The following TFEC variants were observed in gnomAD, a reference collection of about 807,000 sequenced individuals.
TFEC encodes the protein transcription factor EC.
Under a neutral mutation model 41.6 loss-of-function variants are expected in TFEC, and 31 were observed. That is an observed-to-expected ratio of 0.74 (90% CI 0.56 to 1.01). TFEC has a LOEUF of 1.01. Among genes scored for constraint, TFEC ranks in the 50% least tolerant of loss-of-function variants. The probability of loss-of-function intolerance (pLI) is 0.00; values close to 1 mark genes in which losing one functional copy is unlikely to be tolerated. For synonymous variants in TFEC, 143 were observed against 140.6 expected (o/e 1.02, Z -0.12); for missense variants, 402 against 404.1 (o/e 0.99, Z 0.04).
At chr7:116,142,057 G>A (rs1346792893) in intron 1 of TFEC, among the ~76,000 whole-genome samples, 1 of 152,176 alleles carries the variant, frequency 6.6e-6, no homozygotes, top group Non-Finnish European at 1.5e-5. Context: ...TTAAGCAAGA[G>A]AACACTGTGC....
chr7:116,076,593 C>A lies in TFEC; in HGVS notation c.198+34115G>T, dbSNP rs547944039. ...CATAAATAAAAAGCTATCACAACTT[C>A]TGGAAATCACGGACACACTTAGAGA... On this transcript the variant is annotated intron_variant, in intron 3 of 8. Transcript: ENST00000484212. Among the ~76,000 whole-genome samples the A allele has an allele frequency of 1.1e-4, 16 of 152,100 alleles. No individual in the cohort carries two copies. The South Asian group carries it at 3.3e-3, about 32-fold the overall frequency.
intron 3 of TFEC, among the ~76,000 whole-genome samples, chr7:115,958,613 C>A (rs1017697347): frequency 6.6e-6 from 1 of 151,840 alleles, no homozygotes; most frequent in African/African-American, 2.4e-5. Flanking sequence ...AGGTACCTAA[C>A]TATAGCATTT....
intron 2 of TFEC, among the ~76,000 whole-genome samples, chr7:115,974,789 T>C (rs1410825593): frequency 1.3e-5 from 2 of 151,950 alleles, no homozygotes; most frequent in Non-Finnish European, 2.9e-5. Flanking sequence ...CGGAAACATT[T>C]CATCCTACCT....
chr7:116,085,727 T>A (rs1797189542), intron 3 of TFEC, among the ~76,000 whole-genome samples: 1 of 151,924 alleles, frequency 6.6e-6, no homozygotes, highest in African/African-American at 2.4e-5. Context: ...TCCACTGAGG[T>A]CAGAGCAATC....
intron 3 of TFEC, among the ~76,000 whole-genome samples, chr7:116,072,271 T>A (rs1325921573): frequency 1.3e-5 from 2 of 151,612 alleles, no homozygotes; most frequent in Admixed American, 6.6e-5. Flanking sequence ...TCTTTTCCAA[T>A]CTGAATGCCT....
intron 1 of TFEC, among the ~76,000 whole-genome samples, chr7:116,029,764 T>C (rs1232091468): frequency 1.3e-5 from 2 of 152,080 alleles, no homozygotes; most frequent in Non-Finnish European, 2.9e-5. Context: ...AAGTTTCTAC[T>C]ACAACTCTTT....
chr7:116,113,590 T>C (rs1360320905), intron 1 of TFEC, among the ~76,000 whole-genome samples: 2 of 152,046 alleles, frequency 1.3e-5, no homozygotes, highest in Admixed American at 6.6e-5. Context: ...GAGTCAGTGA[T>C]ATATCTTTGC....
At chr7:116,136,624 A>G (rs1323918907) in intron 1 of TFEC, among the ~76,000 whole-genome samples, 1 of 151,912 alleles carries the variant, frequency 6.6e-6, no homozygotes, top group Non-Finnish European at 1.5e-5. Flanking sequence ...GAACATTAAT[A>G]TTAGGTTATT....
intron 5 of TFEC, among the ~76,000 whole-genome samples, chr7:115,954,188 G>T (rs753478305): frequency 1.3e-5 from 2 of 152,048 alleles, no homozygotes; most frequent in Admixed American, 1.3e-4. Flanking sequence ...ATTAAGAAAG[G>T]AGGAGCAAAT....
intron 3 of TFEC, among the ~76,000 whole-genome samples, chr7:115,969,357 GTAAA>G (rs1793025462): frequency 6.6e-6 from 1 of 151,846 alleles, no homozygotes; most frequent in Non-Finnish European, 1.5e-5. Flanking sequence ...AAGTCAGAGG[GTAAA>G]TAAAATAAGA....
chr7:116,143,208 A>T (rs1798576089), intron 1 of TFEC, among the ~76,000 whole-genome samples: 1 of 152,194 alleles, frequency 6.6e-6, no homozygotes. Context: ...GACAGACCCA[A>T]TCTACCAACA....
At chr7:116,045,619 G>A (rs1796144980) in intron 3 of TFEC, among the ~76,000 whole-genome samples, 1 of 152,250 alleles carries the variant, frequency 6.6e-6, no homozygotes, top group Non-Finnish European at 1.5e-5. Flanking sequence ...GCAGGGGCAG[G>A]GCCCTCAAGG....
At chr7:116,096,544 G>C (rs1009919922) in intron 3 of TFEC, among the ~76,000 whole-genome samples, 10 of 151,310 alleles carry the variant, frequency 6.6e-5, no homozygotes, top group African/African-American at 2.4e-4. Context: ...ATATTAATTT[G>C]CAACTTCTCC....
chr7:116,120,063 G>A (rs1460838230), intron 1 of TFEC: 3 of 151,530 alleles, frequency 2.0e-5, no homozygotes, highest in Non-Finnish European at 4.4e-5. Context: ...AAATATATTC[G>A]GTAAGATAAA....
intron 3 of TFEC, among the ~76,000 whole-genome samples, chr7:116,071,076 T>C (rs950114414): frequency 6.6e-6 from 1 of 151,378 alleles, no homozygotes; most frequent in African/African-American, 2.4e-5. Flanking sequence ...AAAAACATAT[T>C]TTAAGCTATT....
chr7:116,035,734 G>A (rs1795894200), upstream of TFEC, among the ~76,000 whole-genome samples: 1 of 152,006 alleles, frequency 6.6e-6, no homozygotes, highest in Non-Finnish European at 1.5e-5. Flanking sequence ...GCACATTGTT[G>A]AAGGTTGTAT....
At chr7:116,000,246 T>C (rs1439633470) in intron 1 of TFEC, among the ~76,000 whole-genome samples, 1 of 152,070 alleles carries the variant, frequency 6.6e-6, no homozygotes, top group African/African-American at 2.4e-5. Flanking sequence ...GAAAAAAGCA[T>C]TTGATAATAT....
chr7:116,143,780 T>A (rs2116409810), intron 1 of TFEC, among the ~76,000 whole-genome samples: 1 of 152,288 alleles, frequency 6.6e-6, no homozygotes, highest in African/African-American at 2.4e-5. Context: ...CATATCACAA[T>A]GCCCTTAATT....
At position 116,099,940 on chromosome 7, in the gene TFEC, C is replaced by T. The variant is rs6954344; in HGVS notation, c.198+10768G>A. 6.0e-3 allele frequency among the ~76,000 whole-genome samples: 908 copies of T among 152,190 alleles called. 8 individuals carry two copies. The highest frequency in any genetic ancestry group is 0.021 in the African/African-American group (853 of 41,536). On this transcript the variant is annotated intron_variant, in intron 3 of 8. Transcript: ENST00000484212. The stretch of plus-strand genomic sequence containing the variant: ...TAAAAGCCTTTCATAATGATTCTAA[C>T]TTTTTTAAAATCTGAAGTGTTTATG...
Sources: gnomAD v4.1 joint callset for allele counts (sites outside exome capture counted in the v4.1 genomes callset) on GRCh38, gnomAD v4.1.1 for gene constraint, MANE v1.5 for transcripts, NCBI Gene and HGNC (gene_info 2026-07-23, HGNC 2026-07-21) for gene names.